CTIF: variants seen among roughly 807,000 people sequenced by gnomAD.
The protein encoded by CTIF is CBP80/20-dependent translation initiation factor.
CTIF carries 21 observed loss-of-function variants against 66.0 expected under a neutral mutation model. The observed-to-expected ratio is 0.32, with a 90% confidence interval of 0.23 to 0.46. The LOEUF is 0.46. Ranked by LOEUF, CTIF falls within the 20% of genes least tolerant of loss-of-function variation. The pLI, the probability that CTIF is intolerant of heterozygous loss-of-function variation, is 1.00. For synonymous variants in CTIF, 345 were observed against 326.4 expected, an observed-to-expected ratio of 1.06 and a Z score of -0.62; for missense variants, 739 against 812.7, an observed-to-expected ratio of 0.91 and a Z score of 1.10.
At chr18:48,574,064 C>T (rs2089478643) in intron 1 of CTIF, among the ~76,000 whole-genome samples, 1 of 152,202 alleles carries the variant, frequency 6.6e-6, no homozygotes, top group African/African-American at 2.4e-5. Flanking sequence ...CCAGGTCTCA[C>T]CTCCTCTCAG....
chr18:48,574,673 A>G (rs2089490414), intron 1 of CTIF, among the ~76,000 whole-genome samples: 1 of 152,140 alleles, frequency 6.6e-6, no homozygotes, highest in African/African-American at 2.4e-5. Context: ...AGAAAAGCAA[A>G]AGCTGCTAGA....
At position 48,592,873 on chromosome 18, in the gene CTIF, C is replaced by T. The variant is rs115420241; in HGVS notation, c.-28-26665C>T. ...CCAGGGAAAGAGGAACAAAGGGAAT[C>T]GCTGCAAAACATCTGGGGGCTTCCT... is the stretch of plus-strand genomic sequence containing the variant. On this transcript the variant is annotated intron_variant, in intron 1 of 11. Transcript: ENST00000256413. 2.7e-3 allele frequency among the ~76,000 whole-genome samples: 418 copies of T among 152,324 alleles called. 1 individual carries two copies. The highest frequency in any genetic ancestry group is 8.1e-3 in the African/African-American group (337 of 41,562).
intron 1 of CTIF, among the ~76,000 whole-genome samples, chr18:48,570,751 TGA>T (rs1407776125): frequency 6.6e-6 from 1 of 150,420 alleles, no homozygotes; most frequent in African/African-American, 2.5e-5. Context: ...GGCCTGGAGG[TGA>T]GAGAGTGAGT....
At chr18:48,717,180 C>T (rs2092289577) in intron 7 of CTIF, among the ~76,000 whole-genome samples, 1 of 152,248 alleles carries the variant, frequency 6.6e-6, no homozygotes, top group Non-Finnish European at 1.5e-5. Flanking sequence ...GGGCAGATCA[C>T]CTGAGGTTCA....
intron 1 of CTIF, among the ~76,000 whole-genome samples, chr18:48,599,439 G>T (rs2090050534): frequency 6.6e-6 from 1 of 152,038 alleles, no homozygotes; most frequent in African/African-American, 2.4e-5. Context: ...ACCTCTGAAA[G>T]ATGTCTTTGG....
intron 1 of CTIF, among the ~76,000 whole-genome samples, chr18:48,569,478 CAAAA>C (rs538262039): frequency 4.8e-5 from 7 of 146,274 alleles, no homozygotes; most frequent in African/African-American, 1.8e-4. Context: ...AACAAAAAAA[CAAAA>C]AAAAAACTTG....
chr18:48,668,151 G>A (rs1256059401), intron 5 of CTIF, among the ~76,000 whole-genome samples: 1 of 152,244 alleles, frequency 6.6e-6, no homozygotes, highest in Non-Finnish European at 1.5e-5. Context: ...AGCCCTCCCT[G>A]CAGGCCTCCA....
At chr18:48,673,448 A>T (rs1747665815) in intron 6 of CTIF, 1 of 142,534 alleles carries the variant, frequency 7.0e-6, no homozygotes, top group Non-Finnish European at 1.6e-5. Flanking sequence ...TTGTTGTTAA[A>T]GAAAACAGGA....
At chr18:48,743,948 C>T (rs979372084) in intron 7 of CTIF, among the ~76,000 whole-genome samples, 2 of 152,146 alleles carry the variant, frequency 1.3e-5, no homozygotes, top group African/African-American at 4.8e-5. Context: ...TTTTCCCTCC[C>T]GTTGAGGGGC....
intron 1 of CTIF, among the ~76,000 whole-genome samples, chr18:48,592,453 C>T (rs533070035): frequency 1.5e-4 from 23 of 150,342 alleles, no homozygotes; most frequent in Non-Finnish European, 1.9e-4. Context: ...GCCGAGATTG[C>T]GCCATTGAAC....
At chr18:48,831,034 C>T (rs2068681226) in intron 10 of CTIF, among the ~76,000 whole-genome samples, 1 of 152,210 alleles carries the variant, frequency 6.6e-6, no homozygotes, top group African/African-American at 2.4e-5. Flanking sequence ...TTCTAGAATT[C>T]ATCTGGAATG....
intron 3 of CTIF, among the ~76,000 whole-genome samples, chr18:48,638,806 G>T (rs2090872565): frequency 6.6e-6 from 1 of 152,248 alleles, no homozygotes; most frequent in Non-Finnish European, 1.5e-5. Flanking sequence ...TTCTTGACAG[G>T]TGGAACTGAG....
At chr18:48,798,735 G>A (rs935260600) in intron 9 of CTIF, among the ~76,000 whole-genome samples, 1 of 152,216 alleles carries the variant, frequency 6.6e-6, no homozygotes, top group Non-Finnish European at 1.5e-5. Flanking sequence ...ATGGGTGGGA[G>A]CATTGGGCAC....
rs372583590 is a variant in CTIF at position 48,648,007 on chromosome 18, C to A, written c.252+11322C>A. 5.3e-4 allele frequency among the ~76,000 whole-genome samples: 80 copies of A among 152,298 alleles called. No homozygotes were observed. In the South Asian group the frequency reaches 7.9e-3, roughly 15 times the overall value. ...CCATCTCCTGGAAGCCTTTCCCTGG[C>A]AGGAGCTGGGGACAGTTGAGGAGGA... On this transcript the variant is annotated intron_variant, in intron 3 of 11. Transcript: ENST00000256413.
At chr18:48,698,104 T>TAA (rs527429582) in intron 6 of CTIF, among the ~76,000 whole-genome samples, 5 of 13,070 alleles carry the variant, frequency 3.8e-4, no homozygotes, top group Non-Finnish European at 7.9e-4. Flanking sequence ...TAGCCATCAT[T>TAA]AAAAAAAAAA....
intron 7 of CTIF, among the ~76,000 whole-genome samples, chr18:48,755,227 A>T (rs1384229): frequency 0.14 from 21,037 of 152,244 alleles, 1,513 homozygotes; most frequent in African/African-American, 0.15. Flanking sequence ...ACTCACATTG[A>T]AAGAACAAAG....
At chr18:48,631,648 G>A (rs1201258181) in intron 2 of CTIF, among the ~76,000 whole-genome samples, 2 of 152,208 alleles carry the variant, frequency 1.3e-5, no homozygotes, top group Non-Finnish European at 2.9e-5. Context: ...TCTTAACCCT[G>A]TGTCATGTTT....
chr18:48,750,641 C>T (rs926355445), intron 7 of CTIF, among the ~76,000 whole-genome samples: 9 of 152,248 alleles, frequency 5.9e-5, no homozygotes, highest in Non-Finnish European at 8.8e-5. Context: ...TTTCCCGAGA[C>T]GCAGTGGAGC....
At chr18:48,554,441 C>T (rs143724178) in intron 1 of CTIF, among the ~76,000 whole-genome samples, 8 of 152,218 alleles carry the variant, frequency 5.3e-5, no homozygotes, top group African/African-American at 1.9e-4. Flanking sequence ...CCTCCCAGGC[C>T]GAGGCAGGCA....
Sources: gnomAD v4.1 joint callset for allele counts (sites outside exome capture counted in the v4.1 genomes callset) on GRCh38, gnomAD v4.1.1 for gene constraint, MANE v1.5 for transcripts, NCBI Gene and HGNC (gene_info 2026-07-23, HGNC 2026-07-21) for gene names.